Variants in TUSC3 observed in about 807,000 individuals in gnomAD.
TUSC3 encodes the protein tumor suppressor candidate 3.
TUSC3 carries 45 observed loss-of-function variants against 44.8 expected under a neutral mutation model. That is an observed-to-expected ratio of 1.00 (90% CI 0.79 to 1.29). The LOEUF (loss-of-function observed/expected upper bound fraction) is 1.29, where lower values mean the gene tolerates loss of function less well. Ranked by LOEUF, TUSC3 falls within the 50% of genes most tolerant of loss-of-function variation. The probability of loss-of-function intolerance (pLI) is 0.00; values close to 1 mark genes in which losing one functional copy is unlikely to be tolerated. For missense variants in TUSC3, 519 were observed against 437.9 expected (o/e 1.19, Z -1.65); for synonymous variants, 212 against 152.9 (o/e 1.39, Z -2.85).
chr8:15,509,469 G>A (rs1801103413), intron 2 of TUSC3, among the ~76,000 whole-genome samples: 1 of 152,094 alleles, frequency 6.6e-6, no homozygotes, highest in Admixed American at 6.5e-5. Context: ...TTAGCTAGGT[G>A]AGGTGGCAGG....
intron 3 of TUSC3, among the ~76,000 whole-genome samples, chr8:15,657,308 A>G (rs569540212): frequency 2.0e-5 from 3 of 152,200 alleles, no homozygotes; most frequent in African/African-American, 7.2e-5. Flanking sequence ...CTATTTTATT[A>G]TATGCATTTA....
intron 1 of TUSC3, among the ~76,000 whole-genome samples, chr8:15,435,541 G>T (rs996240930): frequency 6.6e-6 from 1 of 152,072 alleles, no homozygotes; most frequent in African/African-American, 2.4e-5. Flanking sequence ...TAATATAGAA[G>T]TACTGGACTG....
intron 2 of TUSC3, among the ~76,000 whole-genome samples, chr8:15,643,256 C>G (rs1041577462): frequency 2.0e-5 from 3 of 152,186 alleles, no homozygotes; most frequent in South Asian, 2.1e-4. Flanking sequence ...GTAAATTACG[C>G]TGTCTTGGGT....
chr8:15,467,078 G>A (rs1402192443), intron 1 of TUSC3, among the ~76,000 whole-genome samples: 2 of 152,156 alleles, frequency 1.3e-5, no homozygotes, highest in Non-Finnish European at 1.5e-5. Context: ...TTCGCTTACA[G>A]TTTAAGAGCT....
At chr8:15,436,589 C>T (rs1275975604) in intron 1 of TUSC3, among the ~76,000 whole-genome samples, 1 of 152,084 alleles carries the variant, frequency 6.6e-6, no homozygotes, top group Non-Finnish European at 1.5e-5. Flanking sequence ...GAGTACAGAG[C>T]ATGATTTTTT....
Position 15,477,795 on chromosome 8 carries a change from A to G in TUSC3, n.92-5591A>G, listed in dbSNP as rs182013164. 1.8e-3 allele frequency among the ~76,000 whole-genome samples: 279 copies of G among 152,272 alleles called. 1 individual carries two copies. Among genetic ancestry groups the G allele is most frequent in the African/African-American group, 6.3e-3 (260 of 41,568 alleles). ...ATATAGTGTTTTCATATAAGCTGTC[A>G]AAGAATTCTACATGTGATGGTATTG... is the stretch of plus-strand genomic sequence containing the variant. On this transcript the variant is annotated intron_variant and non_coding_transcript_variant, in intron 1 of 5. Coordinates refer to the TUSC3 transcript ENST00000503191.
intron 6 of TUSC3, among the ~76,000 whole-genome samples, chr8:15,711,513 ATATATATATTTAATATATG>A (rs1486892775): frequency 2.8e-4 from 42 of 149,692 alleles, no homozygotes; most frequent in African/African-American, 9.3e-4. Flanking sequence ...ATGTGTGTAT[ATATATATATTTAATATATG>A]TATATATATT....
intron 6 of TUSC3, among the ~76,000 whole-genome samples, chr8:15,703,849 AG>A (rs1324626466): frequency 6.6e-6 from 1 of 152,128 alleles, no homozygotes; most frequent in Non-Finnish European, 1.5e-5. Context: ...TGAGATTTGG[AG>A]GGGACAAACA....
intron 1 of TUSC3, among the ~76,000 whole-genome samples, chr8:15,586,332 A>G (rs971456439): frequency 1.3e-5 from 2 of 152,094 alleles, no homozygotes; most frequent in African/African-American, 4.8e-5. Flanking sequence ...TGGGGTGGGG[A>G]ACAACACCGT....
the TUSC3 span, among the ~76,000 whole-genome samples, chr8:15,799,203 G>GGATT: frequency 1.3e-5 from 2 of 152,034 alleles, no homozygotes; most frequent in Non-Finnish European, 2.9e-5. Context: ...ACTGCAGGAG[G>GGATT]CATTGAGCTG....
chr8:15,750,296 T>G (rs1304105626), intron 9 of TUSC3, among the ~76,000 whole-genome samples: 1 of 152,002 alleles, frequency 6.6e-6, no homozygotes, highest in African/African-American at 2.4e-5. Flanking sequence ...TTAAGCCCTA[T>G]TTAGTTGACA....
At chr8:15,816,121 A>G in the TUSC3 span, among the ~76,000 whole-genome samples, 22 of 152,122 alleles carry the variant, frequency 1.4e-4, no homozygotes, top group Non-Finnish European at 3.2e-4. Context: ...CCAGTTAGCA[A>G]CTGTCTTTGG....
intron 1 of TUSC3, among the ~76,000 whole-genome samples, chr8:15,590,484 C>G (rs999707998): frequency 5.3e-5 from 8 of 152,056 alleles, no homozygotes; most frequent in African/African-American, 1.9e-4. Flanking sequence ...AAAATAAATT[C>G]TTTCTTGCCA....
intron 2 of TUSC3, among the ~76,000 whole-genome samples, chr8:15,534,870 C>T (rs28672281): frequency 0.21 from 31,438 of 151,872 alleles, 3,181 homozygotes; most frequent in Middle Eastern, 0.26. Flanking sequence ...GTTTGGCTTA[C>T]TTGAACGCAG....
exon 2 of TUSC3, chr8:15,483,396 A>G: frequency 5.1e-6 from 1 of 195,268 alleles, no homozygotes; most frequent in Non-Finnish European, 1.1e-5. Context: ...GCTGGAGTAC[A>G]ATGGCACCAT....
intron 1 of TUSC3, among the ~76,000 whole-genome samples, chr8:15,440,591 C>A (rs150064049): frequency 6.6e-6 from 1 of 152,192 alleles, no homozygotes; most frequent in Non-Finnish European, 1.5e-5. Context: ...GGCATAGCAT[C>A]TTACAGGATG....
chr8:15,724,204 C>G (rs1256252795), intron 6 of TUSC3, among the ~76,000 whole-genome samples: 1 of 152,110 alleles, frequency 6.6e-6, no homozygotes, highest in African/African-American at 2.4e-5. Flanking sequence ...TCACCAGACA[C>G]CAATCCCATT....
At chr8:15,417,776 C>T (rs961299856) in intron 1 of TUSC3, among the ~76,000 whole-genome samples, 1 of 152,148 alleles carries the variant, frequency 6.6e-6, no homozygotes, top group Non-Finnish European at 1.5e-5. Flanking sequence ...TAATCATTTA[C>T]AGTTAATGTT....
At chr8:15,679,002 A>T (rs898363517) in intron 6 of TUSC3, among the ~76,000 whole-genome samples, 1 of 152,098 alleles carries the variant, frequency 6.6e-6, no homozygotes, top group African/African-American at 2.4e-5. Context: ...TATTTAATTC[A>T]CCGTGGATGA....
Sources: allele counts gnomAD v4.1 joint callset (sites outside exome capture counted in the v4.1 genomes callset), GRCh38; gene constraint gnomAD v4.1.1; transcripts MANE v1.5; gene names NCBI Gene and HGNC (gene_info 2026-07-23, HGNC 2026-07-21).